Variants in CLDN16 observed in about 807,000 individuals in gnomAD.
CLDN16 encodes the protein claudin-16.
In CLDN16, 13 loss-of-function variants were observed where a neutral mutation model predicts 24.6. The ratio of observed to expected loss-of-function variants is 0.53; its 90% confidence interval spans 0.34 to 0.84. The LOEUF (loss-of-function observed/expected upper bound fraction) is 0.84. Among genes scored for constraint, CLDN16 ranks in the 40% least tolerant of loss-of-function variants. The probability of loss-of-function intolerance (pLI) is 0.01; values close to 1 mark genes in which losing one functional copy is unlikely to be tolerated. For missense variants in CLDN16, 298 were observed against 292.7 expected (o/e 1.02, Z -0.13); for synonymous variants, 116 against 106.7 (o/e 1.09, Z -0.54).
At chr3:190,337,799 T>C (rs1032788209) in intron 1 of CLDN16, among the ~76,000 whole-genome samples, 2 of 152,202 alleles carry the variant, frequency 1.3e-5, no homozygotes, top group Non-Finnish European at 2.9e-5. Flanking sequence ...GAGAGAGATA[T>C]TGGATAGCAT....
At chr3:190,315,818 A>C in the CLDN16 span, among the ~76,000 whole-genome samples, 184 of 152,304 alleles carry the variant, frequency 1.2e-3, 2 homozygotes, top group South Asian at 0.014. Context: ...CTTAGATCGC[A>C]GAGTAGTCTT....
At chr3:190,308,182 C>T in the CLDN16 span, 2 of 1,455,742 alleles carry the variant, frequency 1.4e-6, no homozygotes, top group East Asian at 4.6e-5. Context: ...CTTCAGATTA[C>T]AATACCCAAA....
chr3:190,409,409 A>G (rs1381469584), intron 4 of CLDN16, among the ~76,000 whole-genome samples: 1 of 151,856 alleles, frequency 6.6e-6, no homozygotes, highest in Admixed American at 6.6e-5. Flanking sequence ...GTAGATATAC[A>G]TATAATTGTA....
chr3:190,319,305 C>T (rs1392909722), upstream of CLDN16, among the ~76,000 whole-genome samples: 3 of 152,094 alleles, frequency 2.0e-5, no homozygotes, highest in South Asian at 2.1e-4. Context: ...TACAAGAATC[C>T]CCAGGGTCAA....
intron 4 of CLDN16, 44 bp downstream of exon 4, chr3:190,408,549 G>A (rs536752512): frequency 3.6e-5 from 56 of 1,552,402 alleles, no homozygotes; most frequent in Admixed American, 1.5e-4. Context: ...CTCCACTATC[G>A]TTTTTCCCAA....
At chr3:190,384,574 G>T (rs2108655557), upstream of CLDN16, among the ~76,000 whole-genome samples, 1 of 152,312 alleles carries the variant, frequency 6.6e-6, no homozygotes, top group African/African-American at 2.4e-5. Context: ...ATAATGAATT[G>T]ACCAAACTGT....
At chr3:190,304,705 G>A in the CLDN16 span, among the ~76,000 whole-genome samples, 2 of 152,006 alleles carry the variant, frequency 1.3e-5, no homozygotes, top group Non-Finnish European at 2.9e-5. Flanking sequence ...TGGGAAATGA[G>A]GAAAGAAGGA....
intron 1 of CLDN16, among the ~76,000 whole-genome samples, chr3:190,359,901 G>T (rs868722284): frequency 6.6e-6 from 1 of 152,096 alleles, no homozygotes; most frequent in African/African-American, 2.4e-5. Context: ...TATGAGGCTC[G>T]ATGTGAAGAA....
intron 1 of CLDN16, among the ~76,000 whole-genome samples, chr3:190,349,978 G>A (rs1027227192): frequency 4.6e-5 from 7 of 152,042 alleles, no homozygotes; most frequent in Non-Finnish European, 8.8e-5. Flanking sequence ...ATTGAATTTC[G>A]GGTGGTTTGG....
In CLDN16 at chr3:190,399,704, G is replaced by T. The variant is rs780126863; in HGVS notation, c.115-2633G>T. The stretch of plus-strand genomic sequence containing the variant: ...TAAATATCCTTTTTTCTAGCTATTT[G>T]AAATTATATCATTATTAACAATAGC... On this transcript the variant is annotated intron_variant, in intron 1 of 4. Coordinates refer to ENST00000264734, the MANE Select transcript of CLDN16 (RefSeq NM_006580.4). 6.6e-4 allele frequency among the ~76,000 whole-genome samples: 101 copies of T among 152,002 alleles called. 1 individual carries two copies. The highest frequency in any genetic ancestry group is 1.1e-3 in the Non-Finnish European group (73 of 67,970).
chr3:190,312,941 A>T, the CLDN16 span: 1 of 1,614,210 alleles, frequency 6.2e-7, no homozygotes, highest in African/African-American at 1.3e-5. Flanking sequence ...TCTTCCAAGC[A>T]CTTCATACAC....
intron 1 of CLDN16, among the ~76,000 whole-genome samples, chr3:190,391,543 A>G (rs142131693): frequency 6.6e-6 from 1 of 152,322 alleles, no homozygotes; most frequent in Admixed American, 6.5e-5. Flanking sequence ...CATGAAAGAA[A>G]AGGCATTTGA....
At chr3:190,310,960 A>AT in the CLDN16 span, among the ~76,000 whole-genome samples, 33 of 152,270 alleles carry the variant, frequency 2.2e-4, no homozygotes, top group South Asian at 4.6e-3. Context: ...AAAATACTTC[A>AT]TTTTTTTATC....
At chr3:190,365,844 GA>G (rs1464184028) in intron 1 of CLDN16, among the ~76,000 whole-genome samples, 1 of 151,770 alleles carries the variant, frequency 6.6e-6, no homozygotes, top group Admixed American at 6.6e-5. Flanking sequence ...GGTATGGTGT[GA>G]CTTAACCCTG....
chr3:190,383,026 T>G (rs1012890407), intron 3 of CLDN16, among the ~76,000 whole-genome samples: 5 of 152,132 alleles, frequency 3.3e-5, no homozygotes, highest in African/African-American at 1.2e-4. Context: ...GAATCATTTC[T>G]GACTCAGTTT....
At chr3:190,400,453 G>C (rs925800125) in intron 1 of CLDN16, among the ~76,000 whole-genome samples, 1 of 151,848 alleles carries the variant, frequency 6.6e-6, no homozygotes, top group Non-Finnish European at 1.5e-5. Context: ...GGATGATCCC[G>C]ATCTCCTGAC....
intron 1 of CLDN16, among the ~76,000 whole-genome samples, chr3:190,392,244 TTTCCTTCATTTCCTTG>T (rs1291664022): frequency 1.3e-5 from 2 of 152,004 alleles, no homozygotes; most frequent in Non-Finnish European, 2.9e-5. Context: ...AACTTCTCTT[TTTCCTTCATTTCCTTG>T]TTCCTTCCTT....
intron 1 of CLDN16, among the ~76,000 whole-genome samples, chr3:190,336,654 T>A (rs906053082): frequency 1.3e-5 from 2 of 152,164 alleles, no homozygotes; most frequent in African/African-American, 4.8e-5. Context: ...ATAAAAGTTA[T>A]CTCTAGGAGA....
chr3:190,371,700 G>A (rs1718145096), intron 2 of CLDN16, among the ~76,000 whole-genome samples: 1 of 151,964 alleles, frequency 6.6e-6, no homozygotes. Flanking sequence ...CTTGAATTAG[G>A]AGGTGATCCA....
Sources: allele counts gnomAD v4.1 joint callset (sites outside exome capture counted in the v4.1 genomes callset), GRCh38; gene constraint gnomAD v4.1.1; transcripts MANE v1.5; gene names NCBI Gene and HGNC (gene_info 2026-07-23, HGNC 2026-07-21).